SLC39A4: variants seen among roughly 807,000 people sequenced by gnomAD.
SLC39A4 encodes solute carrier family 39 member 4.
In SLC39A4, 49 loss-of-function variants were observed where a neutral mutation model predicts 56.6. The observed-to-expected ratio is 0.87, with a 90% confidence interval of 0.69 to 1.10. The LOEUF (loss-of-function observed/expected upper bound fraction) is 1.10, where lower values mean the gene tolerates loss of function less well. Ranked by LOEUF, SLC39A4 falls within the 50% of genes least tolerant of loss-of-function variation. The probability of loss-of-function intolerance (pLI) is 0.00; values close to 1 mark genes in which losing one functional copy is unlikely to be tolerated. For synonymous variants in SLC39A4, 540 were observed against 420.4 expected, an observed-to-expected ratio of 1.28 and a Z score of -3.48; for missense variants, 993 against 864.2, an observed-to-expected ratio of 1.15 and a Z score of -1.87.
At chr8:144,416,535 C>T in intron 1 of SLC39A4, 63 bp downstream of exon 1, 1 of 1,531,406 alleles carries the variant, frequency 6.5e-7, no homozygotes, top group Non-Finnish European at 8.8e-7. Context: ...TTGCTGCCGG[C>T]TGGCAGGGCG....
Position 144,415,212 on chromosome 8 carries a change from C to T in SLC39A4, c.667+15G>A. ...CTCGGGGGTGCCCCCCTCCACAGCC[C>T]AGCCCAGGCCTCACCGGCCAGCGTC... On this transcript the variant is annotated intron_variant, in intron 3 of 11. Transcript: ENST00000301305. 6.2e-7 allele frequency: 1 copy of T among 1,612,816 alleles called. No homozygotes were observed. The highest frequency in any genetic ancestry group is 8.5e-7 in the Non-Finnish European group (1 of 1,179,806).
Position 144,416,837 on chromosome 8 carries a change from G to C in SLC39A4, c.-48C>G. Reference sequence around the variant, plus strand: ...TGGGTGTTGCTGTGGCCAAGGCCCAGTGCTTCTGGGCTGGCTGAGGGCGGC... The same window carrying C: ...TGGGTGTTGCTGTGGCCAAGGCCCACTGCTTCTGGGCTGGCTGAGGGCGGC... On this transcript the variant is annotated 5_prime_UTR_variant, in exon 1 of 12. Coordinates refer to ENST00000301305, the MANE Select transcript of SLC39A4 (RefSeq NM_130849.4). The C allele has an allele frequency of 1.3e-6, 2 of 1,569,864 alleles. No homozygotes were observed. Among genetic ancestry groups the C allele is most frequent in the Non-Finnish European group, 1.7e-6 (2 of 1,157,512 alleles).
chr8:144,412,923 C>A lies in SLC39A4; in HGVS notation c.1651G>T (p.Ala551Ser), dbSNP rs376194492. 5.0e-6 allele frequency: 8 copies of A among 1,606,060 alleles called. No individual in the cohort carries two copies. The highest frequency in any genetic ancestry group is 1.3e-5 in the African/African-American group (1 of 74,894). ...AGTGCTTGGCGCACGGACAGCCCCG[C>A]GTGCAGCAAGGCGGCGAAGTCCCCT... ...ELGDFAALLH[A>S]GLSVRQALLL... is the part of the protein sequence containing the mutation. The change falls in exon 11 of 12, where the codon GCG (alanine) becomes TCG (serine). Residue 551 changes from alanine (A) to serine (S), a missense_variant. Coordinates refer to ENST00000301305, the MANE Select transcript of SLC39A4 (RefSeq NM_130849.4).
chr8:144,413,988 G>C lies in SLC39A4; in HGVS notation c.1257C>G (p.Leu419=), dbSNP rs782097184. 1.9e-6 allele frequency: 3 copies of C among 1,609,376 alleles called. No homozygotes were observed. The Middle Eastern group carries it at 5.0e-4, about 266-fold the overall frequency. ...GGTCCCTGGGCAGCAGGAGATTGAA[G>C]AGGTTCTCAAACAGGAAGAAGGCGT... ...GLYAFFLFEN[L]FNLLLPRDPE... Residue 419 remains leucine (L), a synonymous_variant, in exon 7 of 12, where the codon CTC becomes CTG. Transcript: ENST00000301305.
In SLC39A4 at chr8:144,414,307, T is replaced by A. The variant is rs1554872972; in HGVS notation, c.1104A>T (p.Ala368=). 2.5e-6 allele frequency: 4 copies of A among 1,606,508 alleles called. No individual in the cohort carries two copies. The African/African-American group carries it at 5.3e-5, about 21-fold the overall frequency. ...HYILQTFLSL[A]VGAVTGDAVL... ...CAGCGTCCCCAGTGACTGCACCCAC[T>A]GCCAGGCTCAGGAAGGTCTGCAGGA... The change falls in exon 6 of 12, where the codon GCA becomes GCT. Residue 368 remains alanine (A), a synonymous_variant. Transcript: ENST00000301305.
At chr8:144,416,262 C>T in intron 1 of SLC39A4, 171 bp from the exon 2 acceptor site, 1 of 1,557,224 alleles carries the variant, frequency 6.4e-7, no homozygotes. Context: ...TCCTGCTTCC[C>T]CAACTACAGG....
At position 144,416,728 on chromosome 8, in the gene SLC39A4, G is replaced by A. The variant is rs140987128; in HGVS notation, c.62C>T (p.Thr21Met). The change falls in exon 1 of 12, where the codon ACG (threonine) becomes ATG (methionine). Residue 21 changes from threonine to methionine, a missense_variant. By Grantham distance (81) the Thr-to-Met change is moderately conservative (BLOSUM62 -1). Transcript: ENST00000301305. ...LLLAVLVVTA[T>M]ASPPAGLLSL... ...CAGCAGACCAGCAGGCGGGGACGCCGTCGCCGTCACCACCAGCACAGCCAG... is the reference window on the plus strand; with the variant it reads ...CAGCAGACCAGCAGGCGGGGACGCCATCGCCGTCACCACCAGCACAGCCAG... 35 of 1,612,388 alleles carry A rather than the reference G, an allele frequency of 2.2e-5. No homozygotes were observed. The highest frequency in any genetic ancestry group is 5.0e-5 in the Admixed American group (3 of 59,966).
chr8:144,413,155 G>A (rs1197971391), intron 10 of SLC39A4, 82 bp downstream of exon 10: 24 of 1,443,248 alleles, frequency 1.7e-5, no homozygotes, highest in Admixed American at 6.3e-5. Context: ...CCATCTTCCA[G>A]GCCCCGCCCA....
rs782776326 is a variant in SLC39A4, at chr8:144,413,234, C to T, written c.1627+3G>A. 9 of 1,573,172 alleles carry T rather than the reference C, an allele frequency of 5.7e-6. No individual in the cohort carries two copies. In the East Asian group the frequency reaches 2.1e-4, roughly 36 times the overall value. ...TCTCCTTCCAGGCCCCGCCTGCGCT[C>T]ACCCAGCTCGTGTGGCAACTCGTGG... On this transcript the variant is annotated splice_donor_region_variant and intron_variant, in intron 10 of 11. Transcript: ENST00000301305.
chr8:144,414,397 G>A lies in SLC39A4; in HGVS notation c.1014C>T (p.Cys338=), dbSNP rs1284596312. The change falls in exon 6 of 12, where the codon TGC becomes TGT. Residue 338 remains cysteine (C), a synonymous_variant. Transcript: ENST00000301305. ...LYGSLATLLI[C]LCAVFGLLLL... is the part of the protein sequence containing the mutation. ...GCAGGAGGCCAAAGACCGCGCAGAG[G>A]CAGATGAGCAGCGTGGCCAGGGAGC... 1.9e-6 allele frequency: 3 copies of A among 1,570,878 alleles called. No individual in the cohort carries two copies. The highest frequency in any genetic ancestry group is 2.6e-6 in the Non-Finnish European group (3 of 1,158,798).
intron 10 of SLC39A4, 112 bp downstream of exon 10, chr8:144,413,125 C>A: frequency 6.7e-7 from 1 of 1,501,112 alleles, no homozygotes; most frequent in Non-Finnish European, 8.9e-7. Flanking sequence ...GTCTCCCCAC[C>A]CAGCCAGGTG....
chr8:144,413,630 G>GGGCCCC, intron 8 of SLC39A4, 63 bp from the exon 9 acceptor site: 7 of 1,547,194 alleles, frequency 4.5e-6, no homozygotes, highest in Non-Finnish European at 6.1e-6. Flanking sequence ...GGGCGGGGCG[G>GGGCCCC]GGCCCCAGAT....
At position 144,414,271 on chromosome 8, in the gene SLC39A4, C is replaced by T. The variant is rs1375445992; in HGVS notation, c.1140G>A (p.Leu380=). Residue 380 remains leucine, a synonymous_variant, in exon 6 of 12, where the codon CTG becomes CTA. Transcript: ENST00000301305. The part of the protein sequence containing the change: ...GAVTGDAVLH[L]TPKVLGLHTH... ...GTTTGTGGGGGCAGACCTTGGGCGT[C>T]AGATGCAGGACAGCGTCCCCAGTGA... The T allele has an allele frequency of 3.7e-6, 6 of 1,608,896 alleles. No individual in the cohort carries two copies. Among genetic ancestry groups the T allele is most frequent in the Non-Finnish European group, 5.1e-6 (6 of 1,178,760 alleles).
In SLC39A4 at chr8:144,413,520, C is replaced by T. The variant is rs782101724; in HGVS notation, c.1467G>A (p.Leu489=). ...GTCGCCCCCTGGGCTCACCTGGGCT[C>T]AGTCTCCTGGGCTCAGGGTTCAGCA... ...PELLNPEPRR[L]SPELRLLPYM... The change falls in exon 9 of 12, where the codon CTG becomes CTA. Residue 489 remains leucine, a synonymous_variant. Transcript: ENST00000301305. The T allele has an allele frequency of 1.9e-6, 3 of 1,556,860 alleles. No homozygotes were observed. Among genetic ancestry groups the T allele is most frequent in the Non-Finnish European group, 2.6e-6 (3 of 1,150,222 alleles).
intron 5 of SLC39A4, 38 bp downstream of exon 5, chr8:144,414,687 C>G (rs782282140): frequency 1.2e-6 from 2 of 1,609,632 alleles, no homozygotes; most frequent in Non-Finnish European, 1.7e-6. Flanking sequence ...CGGGCTCCAC[C>G]TCTGTGCTGC....
In SLC39A4 at chr8:144,416,723, ACGCCGT is replaced by A. The variant is rs1822221690; in HGVS notation, c.61_66del (p.Thr21_Ala22del). ...AGGCTCAGCAGACCAGCAGGCGGGGACGCCGTCGCCGTCACCACCAGCACAGCCAGA... is the reference window on the plus strand; with the variant it reads ...AGGCTCAGCAGACCAGCAGGCGGGGACGCCGTCACCACCAGCACAGCCAGA... On this transcript the variant is annotated inframe_deletion, in exon 1 of 12. Transcript: ENST00000301305. The A allele has an allele frequency of 6.2e-7, 1 of 1,612,448 alleles. No individual in the cohort carries two copies. The highest frequency in any genetic ancestry group is 1.7e-5 in the Admixed American group (1 of 59,976).
intron 10 of SLC39A4, 58 bp downstream of exon 10, chr8:144,413,179 T>G: frequency 6.7e-7 from 1 of 1,487,760 alleles, no homozygotes; most frequent in East Asian, 2.6e-5. Context: ...GTTCCAGGTC[T>G]CCCCTCCCAG....
Position 144,415,279 on chromosome 8 carries a change from G to A in SLC39A4, c.615C>T (p.Phe205=), listed in dbSNP as rs201681875. ...TGTGCTGCTGGAACACAAAGTCCAC[G>A]AAGTACTGAGGGCTCGGCAAGGCGT... The part of the protein sequence containing the change: ...CFHALPSPQY[F]VDFVFQQHSS... Residue 205 remains phenylalanine, a synonymous_variant, in exon 3 of 12, where the codon TTC becomes TTT. Coordinates refer to ENST00000301305, the MANE Select transcript of SLC39A4 (RefSeq NM_130849.4). 355 of 1,613,264 alleles carry A rather than the reference G, an allele frequency of 2.2e-4. No homozygotes were observed. Among genetic ancestry groups the A allele is most frequent in the Admixed American group, 7.0e-4 (42 of 60,012 alleles).
Position 144,414,012 on chromosome 8 carries a change from G to A in SLC39A4, c.1233C>T (p.Tyr411=), listed in dbSNP as rs1418322153. ...WRLLAMLAGL[Y]AFFLFENLFN... ...AGAGGTTCTCAAACAGGAAGAAGGCGTAGAGCCCGGCCAGCATAGCCAGGA... is the reference window on the plus strand; with the variant it reads ...AGAGGTTCTCAAACAGGAAGAAGGCATAGAGCCCGGCCAGCATAGCCAGGA... Residue 411 remains tyrosine (Y), a synonymous_variant, in exon 7 of 12, where the codon TAC becomes TAT. Transcript: ENST00000301305. 10 of 1,603,024 alleles carry A rather than the reference G, an allele frequency of 6.2e-6. No homozygotes were observed. Among genetic ancestry groups the A allele is most frequent in the Admixed American group, 3.4e-5 (2 of 58,596 alleles).
Sources: gnomAD v4.1 joint callset for allele counts on GRCh38, gnomAD v4.1.1 for gene constraint, MANE v1.5 for transcripts, NCBI Gene and HGNC (gene_info 2026-07-23, HGNC 2026-07-21) for gene names.